The following IFT43 variants were observed in gnomAD, a reference collection of about 807,000 sequenced individuals.
IFT43 encodes the protein intraflagellar transport protein 43 homolog.
A neutral mutation model predicts 32.3 loss-of-function variants in IFT43; 33 were observed. The observed-to-expected ratio is 1.02, with a 90% confidence interval of 0.77 to 1.37. IFT43 has a LOEUF of 1.37. Among genes scored for constraint, IFT43 ranks in the 40% most tolerant of loss-of-function variants. IFT43 has a pLI of 0.00. For missense variants in IFT43, 274 were observed against 265.9 expected, an observed-to-expected ratio of 1.03 and a Z score of -0.21; for synonymous variants, 93 against 98.2, an observed-to-expected ratio of 0.95 and a Z score of 0.31.
intron 5 of IFT43, among the ~76,000 whole-genome samples, chr14:76,077,468 T>C (rs2037431844): frequency 6.6e-6 from 1 of 152,190 alleles, no homozygotes; most frequent in Admixed American, 6.5e-5. Context: ...ATTCAGTTGT[T>C]CCTAATTTTT....
intron 2 of IFT43, chr14:76,013,743 G>GT (rs2036129615): frequency 2.9e-6 from 1 of 349,282 alleles, no homozygotes; most frequent in African/African-American, 2.2e-5. Flanking sequence ...GAAAAACTTC[G>GT]TAACATCCAG....
intron 2 of IFT43, among the ~76,000 whole-genome samples, chr14:75,996,630 C>T (rs1339860854): frequency 1.3e-5 from 2 of 152,198 alleles, no homozygotes; most frequent in East Asian, 3.8e-4. Flanking sequence ...TTTTATTTGT[C>T]TCTTGTAGTA....
intron 3 of IFT43, among the ~76,000 whole-genome samples, chr14:76,026,011 C>A (rs1356999264): frequency 6.6e-6 from 1 of 152,060 alleles, no homozygotes; most frequent in African/African-American, 2.4e-5. Flanking sequence ...AGTGAGCAGA[C>A]AACCTAGAGA....
At chr14:76,047,273 G>A (rs941652299) in intron 3 of IFT43, among the ~76,000 whole-genome samples, 2 of 152,158 alleles carry the variant, frequency 1.3e-5, no homozygotes, top group Admixed American at 6.5e-5. Flanking sequence ...AGCTCAGCAC[G>A]TATACCTTGG....
At chr14:76,046,517 G>T (rs2036811881) in intron 3 of IFT43, among the ~76,000 whole-genome samples, 2 of 152,116 alleles carry the variant, frequency 1.3e-5, no homozygotes, top group African/African-American at 4.8e-5. Flanking sequence ...TCAGGGTGGG[G>T]ATCAGTTACA....
At chr14:76,010,360 C>T (rs1477350297) in intron 2 of IFT43, among the ~76,000 whole-genome samples, 5 of 152,160 alleles carry the variant, frequency 3.3e-5, no homozygotes, top group Non-Finnish European at 7.3e-5. Context: ...GAACAACCTC[C>T]ATGCTGGTAC....
chr14:76,014,223 T>C (rs1234449133), intron 2 of IFT43: 1 of 190,860 alleles, frequency 5.2e-6, no homozygotes, highest in Non-Finnish European at 1.2e-5. Context: ...AAAATTGACA[T>C]GTGCTACCAC....
At chr14:76,049,568 G>C (rs913147031) in intron 3 of IFT43, among the ~76,000 whole-genome samples, 1 of 151,756 alleles carries the variant, frequency 6.6e-6, no homozygotes, top group African/African-American at 2.4e-5. Flanking sequence ...TCAATTTAAA[G>C]AAAATGCTAA....
At chr14:76,008,889 A>T (rs1184666748) in intron 2 of IFT43, among the ~76,000 whole-genome samples, 1 of 152,174 alleles carries the variant, frequency 6.6e-6, no homozygotes, top group Non-Finnish European at 1.5e-5. Context: ...CGCTTCCCTC[A>T]ATCTAATCCT....
chr14:75,995,220 G>A (rs2035721665), intron 2 of IFT43, among the ~76,000 whole-genome samples: 1 of 151,926 alleles, frequency 6.6e-6, no homozygotes, highest in Admixed American at 6.6e-5. Context: ...GACTCTAGTT[G>A]AGTCTTTCTG....
At chr14:76,059,594 G>A (rs1167008120) in intron 5 of IFT43, 1 of 556,626 alleles carries the variant, frequency 1.8e-6, no homozygotes, top group African/African-American at 1.9e-5. Flanking sequence ...CCTTCAAAAG[G>A]TCAGCCAAAG....
intron 2 of IFT43, among the ~76,000 whole-genome samples, chr14:76,010,714 G>A (rs967572979): frequency 6.6e-6 from 1 of 151,822 alleles, no homozygotes; most frequent in Non-Finnish European, 1.5e-5. Flanking sequence ...AAAGCCACAA[G>A]TCTACACCTA....
chr14:76,009,380 T>C (rs924893483), intron 2 of IFT43, among the ~76,000 whole-genome samples: 3 of 152,248 alleles, frequency 2.0e-5, no homozygotes, highest in Non-Finnish European at 4.4e-5. Flanking sequence ...CTTTCACATA[T>C]GGTGAAATAG....
chr14:75,991,508 G>A (rs1370183913), intron 2 of IFT43, among the ~76,000 whole-genome samples: 3 of 151,754 alleles, frequency 2.0e-5, no homozygotes, highest in Non-Finnish European at 4.4e-5. Flanking sequence ...ATGAGCCTGT[G>A]ATGACCTCAT....
chr14:75,993,561 A>G (rs145631469), intron 2 of IFT43, among the ~76,000 whole-genome samples: 182 of 152,358 alleles, frequency 1.2e-3, no homozygotes, highest in Admixed American at 2.1e-3. Flanking sequence ...TCCTCTATCT[A>G]TCAGTATTGA....
chr14:76,063,842 G>C (rs1418772076), intron 5 of IFT43, among the ~76,000 whole-genome samples: 1 of 152,104 alleles, frequency 6.6e-6, no homozygotes, highest in East Asian at 1.9e-4. Context: ...AAATATTCTG[G>C]GATGGTGGTT....
chr14:76,058,990 T>A, intron 4 of IFT43: 4 of 1,430,276 alleles, frequency 2.8e-6, no homozygotes, highest in Non-Finnish European at 3.6e-6. Flanking sequence ...CTTCTAAGCC[T>A]TGCCTTCTCA....
chr14:76,009,282 C>G (rs892012991), intron 2 of IFT43, among the ~76,000 whole-genome samples: 5 of 152,220 alleles, frequency 3.3e-5, no homozygotes, highest in Non-Finnish European at 7.3e-5. Context: ...GAGTTAATCT[C>G]TAAGCCTAGT....
At chr14:76,053,137 G>A (rs149519365) in intron 3 of IFT43, among the ~76,000 whole-genome samples, 7 of 152,174 alleles carry the variant, frequency 4.6e-5, no homozygotes, top group Admixed American at 4.6e-4. Flanking sequence ...ATAAGATAAT[G>A]TATACTGTAT....
Sources: gnomAD v4.1 joint callset for allele counts (sites outside exome capture counted in the v4.1 genomes callset) on GRCh38, gnomAD v4.1.1 for gene constraint, MANE v1.5 for transcripts, NCBI Gene and HGNC (gene_info 2026-07-23, HGNC 2026-07-21) for gene names.